Variants in SLC22A23 observed in about 807,000 individuals in gnomAD.
SLC22A23 encodes ion transporter protein.
SLC22A23 carries 26 observed loss-of-function variants against 61.0 expected under a neutral mutation model. The ratio of observed to expected loss-of-function variants is 0.43; its 90% confidence interval spans 0.31 to 0.59. The LOEUF (loss-of-function observed/expected upper bound fraction) is 0.59, where lower values mean the gene tolerates loss of function less well. Among genes scored for constraint, SLC22A23 ranks in the 20% least tolerant of loss-of-function variants. SLC22A23 has a pLI of 0.11. For missense variants in SLC22A23, 796 were observed against 934.7 expected (o/e 0.85, Z 1.94); for synonymous variants, 430 against 413.9 (o/e 1.04, Z -0.47).
chr6:3,396,684 C>T (rs1390001739), intron 3 of SLC22A23, among the ~76,000 whole-genome samples: 1 of 152,192 alleles, frequency 6.6e-6, no homozygotes, highest in Non-Finnish European at 1.5e-5. Flanking sequence ...CCAGCAGGCA[C>T]CGGCATGCAC....
chr6:3,380,475 A>G (rs1266771534), intron 3 of SLC22A23, among the ~76,000 whole-genome samples: 2 of 152,200 alleles, frequency 1.3e-5, no homozygotes, highest in African/African-American at 4.8e-5. Flanking sequence ...TCAAACATTT[A>G]TTGACATTAT....
At chr6:3,282,457 G>C (rs536168346) in intron 9 of SLC22A23, 3 of 605,282 alleles carry the variant, frequency 5.0e-6, no homozygotes, top group Admixed American at 2.8e-5. Context: ...AAGTGTGGAC[G>C]TGAAGATGCT....
intron 9 of SLC22A23, chr6:3,282,122 G>T (rs1759523599): frequency 2.9e-6 from 2 of 687,108 alleles, no homozygotes; most frequent in East Asian, 5.4e-5. Context: ...TGCAAAGGCT[G>T]CAGGAGGCCA....
intron 1 of SLC22A23, chr6:3,438,374 C>A: frequency 2.7e-6 from 1 of 375,000 alleles, no homozygotes; most frequent in South Asian, 2.0e-5. Flanking sequence ...CCTGCCTTGG[C>A]ACAGGTAGCA....
chr6:3,364,169 G>T (rs1007972547), intron 3 of SLC22A23, among the ~76,000 whole-genome samples: 1 of 152,228 alleles, frequency 6.6e-6, no homozygotes, highest in Non-Finnish European at 1.5e-5. Context: ...ATGCAATATT[G>T]TATTGCTTGG....
At chr6:3,285,953 C>T (rs543244467) in intron 7 of SLC22A23, among the ~76,000 whole-genome samples, 1 of 152,184 alleles carries the variant, frequency 6.6e-6, no homozygotes. Flanking sequence ...AGAAGAGGCT[C>T]ATCGGTCCTG....
chr6:3,433,057 T>A (rs1292565183), intron 1 of SLC22A23, among the ~76,000 whole-genome samples: 2 of 152,180 alleles, frequency 1.3e-5, no homozygotes, highest in Non-Finnish European at 2.9e-5. Context: ...TCATTTGAGT[T>A]TCACTCAAAA....
chr6:3,373,037 T>C (rs1581773647), intron 3 of SLC22A23, among the ~76,000 whole-genome samples: 1 of 152,178 alleles, frequency 6.6e-6, no homozygotes, highest in East Asian at 1.9e-4. Flanking sequence ...TCTGGGAAGT[T>C]GGATTCCGAA....
At position 3,344,506 on chromosome 6, in the gene SLC22A23, G is replaced by A. The variant is rs182986866; in HGVS notation, c.914-20504C>T. Among the ~76,000 whole-genome samples, 18 of 152,270 alleles carry A rather than the reference G, an allele frequency of 1.2e-4. No individual in the cohort carries two copies. The East Asian group carries it at 1.7e-3, about 15-fold the overall frequency. The stretch of plus-strand genomic sequence containing the variant: ...GGACACAAGCGGTAGTGTCTGACAC[G>A]ACCATGTGGTTAAGAACCTGGGCTC... On this transcript the variant is annotated intron_variant, in intron 3 of 9. Coordinates refer to ENST00000406686, the MANE Select transcript of SLC22A23 (RefSeq NM_015482.2).
chr6:3,347,051 GT>G (rs913008793), intron 3 of SLC22A23, among the ~76,000 whole-genome samples: 2 of 150,956 alleles, frequency 1.3e-5, no homozygotes, highest in African/African-American at 2.4e-5. Flanking sequence ...CTTTCACAAC[GT>G]TTTTTTTTAA....
At chr6:3,420,397 A>C (rs1356861820) in intron 1 of SLC22A23, among the ~76,000 whole-genome samples, 1 of 152,204 alleles carries the variant, frequency 6.6e-6, no homozygotes, top group Non-Finnish European at 1.5e-5. Context: ...TTTCTAAAGA[A>C]GATGGAAAAT....
chr6:3,432,223 G>A (rs1286720076), intron 1 of SLC22A23: 7 of 985,340 alleles, frequency 7.1e-6, no homozygotes, highest in Non-Finnish European at 8.4e-6. Context: ...CTGCTCCCTG[G>A]ATCTTCACTG....
chr6:3,385,906 ATC>A (rs1420338610), intron 3 of SLC22A23, among the ~76,000 whole-genome samples: 9 of 152,242 alleles, frequency 5.9e-5, no homozygotes, highest in African/African-American at 1.9e-4. Context: ...AAATGTGGTC[ATC>A]TCATTTTTTT....
intron 4 of SLC22A23, among the ~76,000 whole-genome samples, chr6:3,305,480 T>G (rs1761911972): frequency 6.6e-6 from 1 of 152,226 alleles, no homozygotes; most frequent in African/African-American, 2.4e-5. Flanking sequence ...TTAAATTTGC[T>G]GCAAAATCAT....
At chr6:3,301,556 C>T (rs1437472815) in intron 4 of SLC22A23, among the ~76,000 whole-genome samples, 3 of 152,160 alleles carry the variant, frequency 2.0e-5, no homozygotes, top group African/African-American at 7.2e-5. Context: ...TACGGAACTC[C>T]ATGGCAGGAA....
At chr6:3,451,749 C>T (rs1240020220) in intron 1 of SLC22A23, among the ~76,000 whole-genome samples, 1 of 152,106 alleles carries the variant, frequency 6.6e-6, no homozygotes, top group Admixed American at 6.6e-5. Context: ...ACTGACAATA[C>T]CTTACAACAG....
chr6:3,365,912 GT>G (rs1396700125), intron 3 of SLC22A23, among the ~76,000 whole-genome samples: 1 of 152,186 alleles, frequency 6.6e-6, no homozygotes, highest in Non-Finnish European at 1.5e-5. Context: ...TTTCTTGTCT[GT>G]TCTTCACTTA....
intron 1 of SLC22A23, among the ~76,000 whole-genome samples, chr6:3,435,119 G>C (rs966917195): frequency 6.6e-6 from 1 of 152,140 alleles, no homozygotes; most frequent in Non-Finnish European, 1.5e-5. Flanking sequence ...GCAGTGTGCA[G>C]GGGCTGGGAT....
intron 9 of SLC22A23, among the ~76,000 whole-genome samples, chr6:3,280,416 C>T (rs1020476787): frequency 1.3e-5 from 2 of 151,108 alleles, no homozygotes; most frequent in African/African-American, 4.9e-5. Context: ...CAGGCGCTGC[C>T]GGCATGGGAC....
Sources: allele counts gnomAD v4.1 joint callset (sites outside exome capture counted in the v4.1 genomes callset), GRCh38; gene constraint gnomAD v4.1.1; transcripts MANE v1.5; gene names NCBI Gene and HGNC (gene_info 2026-07-23, HGNC 2026-07-21).